LRP1B: variants seen among roughly 807,000 people sequenced by gnomAD.
The protein encoded by LRP1B is low-density lipoprotein receptor-related protein 1B.
LRP1B carries 217 observed loss-of-function variants against 556.6 expected under a neutral mutation model. The ratio of observed to expected loss-of-function variants is 0.39; its 90% CI spans 0.35 to 0.44. The LOEUF is 0.44. Ranked by LOEUF, LRP1B falls within the 20% of genes least tolerant of loss-of-function variation. LRP1B has a pLI of 1.00. For missense variants in LRP1B, 5,053 were observed against 5,620.8 expected (o/e 0.90, Z 3.23); for synonymous variants, 2,047 against 1,865.8 (o/e 1.10, Z -2.50).
intron 41 of LRP1B, among the ~76,000 whole-genome samples, chr2:140,689,323 T>C (rs1837776): frequency 0.82 from 124,369 of 152,116 alleles, 50,957 homozygotes; most frequent in Middle Eastern, 0.87. Flanking sequence ...ATAAGGCAAA[T>C]GCCAATCTGT....
At chr2:141,699,292 G>C (rs542214402) in intron 2 of LRP1B, among the ~76,000 whole-genome samples, 2 of 151,802 alleles carry the variant, frequency 1.3e-5, no homozygotes, top group South Asian at 2.1e-4. Context: ...TGCACATCAG[G>C]GTTGCTAACC....
At chr2:140,542,316 T>G (rs1680167140) in intron 43 of LRP1B, among the ~76,000 whole-genome samples, 1 of 152,122 alleles carries the variant, frequency 6.6e-6, no homozygotes, top group Admixed American at 6.6e-5. Context: ...TAACCTTTAG[T>G]AAGAAATCAC....
rs757975659 is a variant in LRP1B, at chr2:142,096,040, CT to C, written c.82+34607del. Among the ~76,000 whole-genome samples the C allele has an allele frequency of 7.9e-5, 12 of 151,726 alleles. No individual in the cohort carries two copies. In the East Asian group the frequency reaches 1.2e-3, roughly 15 times the overall value. On this transcript the variant is annotated intron_variant, in intron 1 of 90. Transcript: ENST00000389484. ...GGGTGCCAGGTCTTAGTCCACTTAA[CT>C]ATTTTTTGTGTTCCAGACTTATTCC...
chr2:141,653,388 G>A (rs1310339812), intron 2 of LRP1B, among the ~76,000 whole-genome samples: 1 of 152,140 alleles, frequency 6.6e-6, no homozygotes, highest in African/African-American at 2.4e-5. Context: ...AAAAGCCCAG[G>A]CCAGAGAGAT....
At chr2:140,748,104 T>C (rs1451250942) in intron 35 of LRP1B, among the ~76,000 whole-genome samples, 3 of 62,286 alleles carry the variant, frequency 4.8e-5, no homozygotes, top group African/African-American at 1.7e-4. Context: ...TATATATATA[T>C]ATATATATAT....
At chr2:141,618,098 G>C (rs1033372328) in intron 2 of LRP1B, among the ~76,000 whole-genome samples, 1 of 152,090 alleles carries the variant, frequency 6.6e-6, no homozygotes, top group Non-Finnish European at 1.5e-5. Context: ...TGCTCTTATG[G>C]GCATGTATGT....
chr2:140,702,321 A>G (rs1329512777), intron 38 of LRP1B, 29 bp from the exon 39 acceptor site: 8 of 1,610,214 alleles, frequency 5.0e-6, no homozygotes, highest in Non-Finnish European at 6.8e-6. Context: ...GTAACGTTAC[A>G]GACTATATTT....
intron 7 of LRP1B, among the ~76,000 whole-genome samples, chr2:141,154,796 C>T (rs1543181): frequency 0.58 from 87,785 of 151,554 alleles, 26,224 homozygotes; most frequent in Middle Eastern, 0.72. Flanking sequence ...CACTTTGTCC[C>T]TACAGCTACT....
At chr2:140,267,981 AT>A (rs1682286645) in intron 86 of LRP1B, among the ~76,000 whole-genome samples, 1 of 151,724 alleles carries the variant, frequency 6.6e-6, no homozygotes, top group East Asian at 2.0e-4. Context: ...CCCATGAGAG[AT>A]TTTTATTCTG....
chr2:142,031,330 A>ATCTTTTTTTTT (rs1553506158), intron 1 of LRP1B, among the ~76,000 whole-genome samples: 34 of 117,026 alleles, frequency 2.9e-4, no homozygotes, highest in African/African-American at 9.7e-4. Context: ...GATTATACTT[A>ATCTTTTTTTTT]TTTTTTTTTT....
At chr2:141,428,393 T>C (rs544009771) in intron 3 of LRP1B, among the ~76,000 whole-genome samples, 1 of 152,244 alleles carries the variant, frequency 6.6e-6, no homozygotes, top group African/African-American at 2.4e-5. Flanking sequence ...TGCACACATG[T>C]ACCCTAGAAC....
intron 1 of LRP1B, among the ~76,000 whole-genome samples, chr2:141,868,228 A>G (rs373135383): frequency 1.3e-5 from 2 of 152,016 alleles, no homozygotes; most frequent in African/African-American, 4.8e-5. Flanking sequence ...AAATAGCCAA[A>G]CCTCTAGTGC....
chr2:142,041,046 T>A (rs1704047657), intron 1 of LRP1B, among the ~76,000 whole-genome samples: 1 of 151,510 alleles, frequency 6.6e-6, no homozygotes, highest in Admixed American at 6.6e-5. Context: ...CGATTATCAC[T>A]TCTACTGAGG....
chr2:141,338,949 T>G (rs191662168), intron 3 of LRP1B, among the ~76,000 whole-genome samples: 9 of 152,210 alleles, frequency 5.9e-5, no homozygotes, highest in Admixed American at 6.5e-5. Flanking sequence ...CTCCCTAATG[T>G]TGACCAGCCT....
chr2:142,058,719 G>A lies in LRP1B; in HGVS notation c.82+71929C>T, dbSNP rs111497719. 2.1e-3 allele frequency among the ~76,000 whole-genome samples: 315 copies of A among 152,094 alleles called. 2 individuals carry two copies. The highest frequency in any genetic ancestry group is 6.6e-3 in the African/African-American group (273 of 41,504). ...CCAATGCTTGGCACATGCTTTGCACGTACTTGGTGTTCAGCACATTTTTAT... is the reference window on the plus strand; with the variant it reads ...CCAATGCTTGGCACATGCTTTGCACATACTTGGTGTTCAGCACATTTTTAT... On this transcript the variant is annotated intron_variant, in intron 1 of 90. Coordinates refer to ENST00000389484, the MANE Select transcript of LRP1B (RefSeq NM_018557.3).
chr2:141,021,992 T>C (rs1698077127), intron 11 of LRP1B, among the ~76,000 whole-genome samples: 1 of 151,892 alleles, frequency 6.6e-6, no homozygotes, highest in South Asian at 2.1e-4. Context: ...TCTTTAAGGG[T>C]ACTACTTGAT....
intron 7 of LRP1B, among the ~76,000 whole-genome samples, chr2:141,182,887 C>T (rs1681067140): frequency 6.6e-6 from 1 of 151,872 alleles, no homozygotes; most frequent in South Asian, 2.1e-4. Flanking sequence ...TCACAATTTG[C>T]AACCTGTCAA....
intron 2 of LRP1B, among the ~76,000 whole-genome samples, chr2:141,487,536 C>A (rs1025459350): frequency 2.0e-5 from 3 of 152,110 alleles, no homozygotes; most frequent in African/African-American, 7.2e-5. Flanking sequence ...TTGCTGGTCA[C>A]AACAAAACCA....
chr2:141,920,294 G>T (rs1700151854), intron 1 of LRP1B, among the ~76,000 whole-genome samples: 1 of 147,468 alleles, frequency 6.8e-6, no homozygotes. Context: ...GGGGGTGGTA[G>T]GGATAATCAT....
Sources: gnomAD v4.1 joint callset for allele counts (sites outside exome capture counted in the v4.1 genomes callset) on GRCh38, gnomAD v4.1.1 for gene constraint, MANE v1.5 for transcripts, NCBI Gene and HGNC (gene_info 2026-07-23, HGNC 2026-07-21) for gene names.